Variants in XKR9 observed in about 807,000 individuals in gnomAD.
The protein encoded by XKR9 is XK-related protein 9.
XKR9 carries 32 observed loss-of-function variants against 32.0 expected under a neutral mutation model. That is an observed-to-expected ratio of 1.00 (90% CI 0.76 to 1.34). XKR9 has a LOEUF of 1.34. Among genes scored for constraint, XKR9 ranks in the 40% most tolerant of loss-of-function variants. The pLI, the probability that XKR9 is intolerant of heterozygous loss-of-function variation, is 0.00. For synonymous variants in XKR9, 168 were observed against 143.4 expected, an observed-to-expected ratio of 1.17 and a Z score of -1.22; for missense variants, 546 against 429.7, an observed-to-expected ratio of 1.27 and a Z score of -2.39.
the XKR9 span, among the ~76,000 whole-genome samples, chr8:70,912,959 C>A: frequency 6.6e-6 from 1 of 152,164 alleles, no homozygotes; most frequent in Admixed American, 6.5e-5. Flanking sequence ...CTGGACTACT[C>A]ACTCCACTTC....
At chr8:71,022,772 C>T in the XKR9 span, among the ~76,000 whole-genome samples, 1 of 152,258 alleles carries the variant, frequency 6.6e-6, no homozygotes, top group East Asian at 1.9e-4. Context: ...TATAGTGTCC[C>T]ATACTCATGT....
At position 70,770,388 on chromosome 8, in the gene XKR9, C is replaced by T. The variant is rs569479122; in HGVS notation, n.353-18951C>T. Among the ~76,000 whole-genome samples the T allele has an allele frequency of 4.6e-5, 7 of 152,232 alleles. No homozygotes were observed. The South Asian group carries it at 8.3e-4, about 18-fold the overall frequency. ...TATGAGGTGTCTGTCGACCCCTGCT[C>T]GGAGGTCTCTTTCAGTCAGGAGGCA... On this transcript the variant is annotated intron_variant and non_coding_transcript_variant, in intron 2 of 3. Coordinates refer to the XKR9 transcript ENST00000520273.
the XKR9 span, among the ~76,000 whole-genome samples, chr8:70,834,935 C>A: frequency 1.3e-5 from 2 of 152,104 alleles, no homozygotes; most frequent in East Asian, 3.8e-4. Context: ...ACCAGTGAAT[C>A]TCTGTGCTGG....
the XKR9 span, among the ~76,000 whole-genome samples, chr8:70,903,248 C>T: frequency 5.9e-5 from 9 of 152,048 alleles, no homozygotes; most frequent in East Asian, 9.7e-4. Context: ...TGGTAGAATT[C>T]GGCTGTGAAT....
At chr8:70,778,369 G>T (rs1468834011) in intron 2 of XKR9, among the ~76,000 whole-genome samples, 3 of 152,200 alleles carry the variant, frequency 2.0e-5, no homozygotes, top group African/African-American at 7.2e-5. Context: ...GTAGTTTGAA[G>T]TCAGGTAGCC....
the XKR9 span, among the ~76,000 whole-genome samples, chr8:70,995,211 A>G: frequency 2.0e-5 from 3 of 152,170 alleles, no homozygotes; most frequent in African/African-American, 7.2e-5. Context: ...AACTTAAGCA[A>G]CTGCAAAGGG....
the XKR9 span, among the ~76,000 whole-genome samples, chr8:70,922,723 C>T: frequency 6.6e-6 from 1 of 152,182 alleles, no homozygotes; most frequent in African/African-American, 2.4e-5. Flanking sequence ...CTGCTCTTGC[C>T]TTGTGTGGCA....
At chr8:70,736,300 C>CT (rs1806861047), downstream of XKR9, among the ~76,000 whole-genome samples, 5 of 142,898 alleles carry the variant, frequency 3.5e-5, no homozygotes, top group South Asian at 1.1e-3. Context: ...CCTTCGCCCA[C>CT]TTTTTGATGG....
the XKR9 span, among the ~76,000 whole-genome samples, chr8:70,940,642 A>G: frequency 6.6e-6 from 1 of 152,084 alleles, no homozygotes; most frequent in Non-Finnish European, 1.5e-5. Flanking sequence ...CTCAGCATCT[A>G]TTATAGTTTC....
chr8:70,710,740 C>T (rs971894520), intron 4 of XKR9, among the ~76,000 whole-genome samples: 9 of 151,256 alleles, frequency 6.0e-5, no homozygotes, highest in South Asian at 2.1e-4. Context: ...AATAAACAAA[C>T]AAAAAACAAA....
the XKR9 span, among the ~76,000 whole-genome samples, chr8:70,940,385 G>T: frequency 6.6e-6 from 1 of 151,966 alleles, no homozygotes; most frequent in South Asian, 2.1e-4. Flanking sequence ...CAAGAACTGG[G>T]CCTCTGAAGT....
At chr8:70,977,518 T>G in the XKR9 span, among the ~76,000 whole-genome samples, 1 of 152,208 alleles carries the variant, frequency 6.6e-6, no homozygotes, top group Non-Finnish European at 1.5e-5. Context: ...GGAACATTTT[T>G]CTCAGTTTCC....
At chr8:70,741,062 G>GC (rs1369210616) in intron 2 of XKR9, among the ~76,000 whole-genome samples, 1 of 152,258 alleles carries the variant, frequency 6.6e-6, no homozygotes, top group African/African-American at 2.4e-5. Flanking sequence ...TCTGTGCCCT[G>GC]CCCCCAGAGG....
At chr8:70,813,926 A>G in the XKR9 span, among the ~76,000 whole-genome samples, 1 of 152,238 alleles carries the variant, frequency 6.6e-6, no homozygotes, top group African/African-American at 2.4e-5. Context: ...CATTTGACGC[A>G]GCAATCCCAT....
chr8:70,797,060 CTGGATTTT>C, the XKR9 span, among the ~76,000 whole-genome samples: 6 of 152,160 alleles, frequency 3.9e-5, no homozygotes, highest in African/African-American at 1.4e-4. Flanking sequence ...ATAGTGGTTG[CTGGATTTT>C]TAGGAGACCT....
intron 3 of XKR9, among the ~76,000 whole-genome samples, chr8:70,697,928 G>C (rs979833200): frequency 2.4e-4 from 36 of 151,740 alleles, no homozygotes; most frequent in Admixed American, 1.8e-3. Context: ...TGTATGTGTC[G>C]AGGAATTTAT....
the XKR9 span, among the ~76,000 whole-genome samples, chr8:70,926,833 C>T: frequency 6.6e-5 from 10 of 152,128 alleles, no homozygotes; most frequent in Admixed American, 2.6e-4. Flanking sequence ...AGGAGTCAGG[C>T]GACCCAGGAA....
At chr8:70,681,721 T>A (rs2132112491) in intron 3 of XKR9, among the ~76,000 whole-genome samples, 1 of 152,176 alleles carries the variant, frequency 6.6e-6, no homozygotes, top group East Asian at 1.9e-4. Context: ...CTAAATGAAA[T>A]TTTTGCTGCA....
chr8:71,024,358 G>A, the XKR9 span, among the ~76,000 whole-genome samples: 1 of 152,158 alleles, frequency 6.6e-6, no homozygotes, highest in Non-Finnish European at 1.5e-5. Flanking sequence ...GGACCAGGGT[G>A]CTGGGGACAC....
Sources: allele counts gnomAD v4.1 joint callset (sites outside exome capture counted in the v4.1 genomes callset), GRCh38; gene constraint gnomAD v4.1.1; transcripts MANE v1.5; gene names NCBI Gene and HGNC (gene_info 2026-07-23, HGNC 2026-07-21).